Variants in COMMD1 observed in about 807,000 individuals in gnomAD.
COMMD1 encodes the protein COMM domain-containing protein 1.
In COMMD1, 10 loss-of-function variants were observed where a neutral mutation model predicts 17.2. The observed-to-expected ratio is 0.58, with a 90% CI of 0.36 to 0.99. COMMD1 has a LOEUF of 0.99. Ranked by LOEUF, COMMD1 falls within the 50% of genes least tolerant of loss-of-function variation. The pLI, the probability that COMMD1 is intolerant of heterozygous loss-of-function variation, is 0.01. For missense variants in COMMD1, 270 were observed against 231.8 expected (o/e 1.17, Z -1.07); for synonymous variants, 97 against 91.6 (o/e 1.06, Z -0.34).
At chr2:62,019,549 G>C (rs1002652295) in intron 2 of COMMD1, among the ~76,000 whole-genome samples, 3 of 152,048 alleles carry the variant, frequency 2.0e-5, no homozygotes, top group Non-Finnish European at 4.4e-5. Context: ...TCTCCCAAAA[G>C]GCCCTACCTC....
At chr2:61,924,498 C>T (rs536810869) in intron 1 of COMMD1, among the ~76,000 whole-genome samples, 4 of 151,716 alleles carry the variant, frequency 2.6e-5, no homozygotes, top group Non-Finnish European at 4.4e-5. Flanking sequence ...TCAGCCAGAT[C>T]AAAGGAGGAG....
chr2:62,064,370 C>T (rs1369118436), intron 2 of COMMD1, among the ~76,000 whole-genome samples: 1 of 152,048 alleles, frequency 6.6e-6, no homozygotes, highest in East Asian at 1.9e-4. Context: ...GATGGGTTTG[C>T]ACCATTTTGG....
At chr2:62,097,672 T>C (rs1672048724) in intron 2 of COMMD1, among the ~76,000 whole-genome samples, 1 of 152,188 alleles carries the variant, frequency 6.6e-6, no homozygotes, top group Non-Finnish European at 1.5e-5. Flanking sequence ...TCCTCCTAAT[T>C]AAAATTGAAA....
chr2:61,898,804 G>C (rs780047939), intron 1 of COMMD1, among the ~76,000 whole-genome samples: 17 of 152,124 alleles, frequency 1.1e-4, no homozygotes, highest in Non-Finnish European at 2.4e-4. Context: ...TTGCATCAAG[G>C]CTTCAGGGTC....
intron 2 of COMMD1, among the ~76,000 whole-genome samples, chr2:62,112,109 A>G (rs1379774246): frequency 1.3e-5 from 2 of 152,224 alleles, no homozygotes; most frequent in Non-Finnish European, 2.9e-5. Context: ...TAAAAGGTTA[A>G]GAAGGGCTTA....
chr2:61,998,148 C>T (rs1239115853), intron 1 of COMMD1, among the ~76,000 whole-genome samples: 2 of 151,950 alleles, frequency 1.3e-5, no homozygotes, highest in East Asian at 1.9e-4. Context: ...GCCTTGCCCT[C>T]GATTAGGTTT....
At chr2:62,022,702 C>T (rs1381070588) in intron 2 of COMMD1, among the ~76,000 whole-genome samples, 4 of 151,840 alleles carry the variant, frequency 2.6e-5, no homozygotes, top group Non-Finnish European at 5.9e-5. Context: ...TTTGCACCCC[C>T]TCTACTTTAG....
At chr2:62,077,811 C>T (rs1671387819) in intron 2 of COMMD1, among the ~76,000 whole-genome samples, 1 of 152,036 alleles carries the variant, frequency 6.6e-6, no homozygotes, top group Admixed American at 6.6e-5. Flanking sequence ...AGACATGAAG[C>T]TTCAAGGAAA....
chr2:61,974,938 T>G (rs1170209664), intron 1 of COMMD1, among the ~76,000 whole-genome samples: 1 of 151,980 alleles, frequency 6.6e-6, no homozygotes, highest in Admixed American at 6.6e-5. Flanking sequence ...CTCTCCCTCC[T>G]CCTTCCTGAA....
At chr2:61,964,544 A>C (rs990916011) in intron 1 of COMMD1, among the ~76,000 whole-genome samples, 1 of 152,076 alleles carries the variant, frequency 6.6e-6, no homozygotes, top group African/African-American at 2.4e-5. Context: ...GTTTGTAATA[A>C]AGAATTGAGG....
chr2:61,911,939 T>C, intron 1 of COMMD1, among the ~76,000 whole-genome samples: 1 of 152,216 alleles, frequency 6.6e-6, no homozygotes, highest in East Asian at 1.9e-4. Context: ...TGAAGTGTTT[T>C]TCCTGTAGAT....
intron 1 of COMMD1, among the ~76,000 whole-genome samples, chr2:61,892,390 G>C (rs542537555): frequency 1.3e-5 from 2 of 152,150 alleles, no homozygotes; most frequent in South Asian, 4.2e-4. Flanking sequence ...AACTGGTTAA[G>C]GTTAGAAAAG....
intron 1 of COMMD1, among the ~76,000 whole-genome samples, chr2:61,946,790 A>G (rs1029929233): frequency 6.6e-6 from 1 of 151,842 alleles, no homozygotes; most frequent in East Asian, 1.9e-4. Flanking sequence ...TTCCTTTACA[A>G]CTTCATATAT....
chr2:62,078,552 CAAAA>C (rs34983790), intron 2 of COMMD1, among the ~76,000 whole-genome samples: 2 of 86,892 alleles, frequency 2.3e-5, no homozygotes, highest in Non-Finnish European at 2.3e-5. Context: ...GACTCCGTCT[CAAAA>C]AAAAAAAAAA....
At chr2:62,009,115 A>G (rs775701551) in intron 2 of COMMD1, among the ~76,000 whole-genome samples, 2 of 152,032 alleles carry the variant, frequency 1.3e-5, no homozygotes, top group Admixed American at 6.6e-5. Flanking sequence ...AGATAAAGGA[A>G]TTTTCCATTT....
In COMMD1 at chr2:61,950,023, G is replaced by C. The variant is rs1013889538; in HGVS notation, c.180+44165G>C. On this transcript the variant is annotated intron_variant, in intron 1 of 2. Transcript: ENST00000311832. Reference sequence around the variant, plus strand: ...CTATGGCTATCCCTGAGAAGGAAAGGATCTATTATAAGAGTACTTGAACCA... The same window carrying C: ...CTATGGCTATCCCTGAGAAGGAAAGCATCTATTATAAGAGTACTTGAACCA... 2.0e-5 allele frequency among the ~76,000 whole-genome samples: 3 copies of C among 152,168 alleles called. No homozygotes were observed. In the East Asian group the frequency reaches 5.8e-4, roughly 29 times the overall value.
chr2:62,062,184 A>G lies in COMMD1; in HGVS notation c.462+61202A>G, dbSNP rs576288539. Among the ~76,000 whole-genome samples the G allele has an allele frequency of 1.6e-3, 243 of 151,718 alleles. 2 individuals are homozygous for G. Among genetic ancestry groups the G allele is most frequent in the African/African-American group, 4.7e-3 (193 of 41,424 alleles). On this transcript the variant is annotated intron_variant, in intron 2 of 2. Coordinates refer to ENST00000311832, the MANE Select transcript of COMMD1 (RefSeq NM_152516.4). ...CTGTAAGACGCCAATTGTAACTCCT[A>G]AGGATACTGAGGTGGTTGTTTTTGT...
intron 2 of COMMD1, among the ~76,000 whole-genome samples, chr2:62,019,420 C>T (rs910969695): frequency 2.0e-5 from 3 of 152,026 alleles, no homozygotes; most frequent in Non-Finnish European, 4.4e-5. Context: ...AGAGATTCAC[C>T]TGCCTTGGCC....
intron 1 of COMMD1, among the ~76,000 whole-genome samples, chr2:61,914,319 T>G (rs1359515409): frequency 4.6e-5 from 7 of 152,196 alleles, no homozygotes; most frequent in Non-Finnish European, 1.5e-5. Flanking sequence ...TCCTGAGATC[T>G]GTAGTAAATT....
Sources: gnomAD v4.1 joint callset for allele counts (sites outside exome capture counted in the v4.1 genomes callset) on GRCh38, gnomAD v4.1.1 for gene constraint, MANE v1.5 for transcripts, NCBI Gene and HGNC (gene_info 2026-07-23, HGNC 2026-07-21) for gene names.